CTNNA1: variants seen among roughly 807,000 people sequenced by gnomAD.
The protein encoded by CTNNA1 is catenin alpha-1.
Under a neutral mutation model 98.4 loss-of-function variants are expected in CTNNA1, and 37 were observed. The ratio of observed to expected loss-of-function variants is 0.38; its 90% CI spans 0.29 to 0.49. The LOEUF is 0.49. Among genes scored for constraint, CTNNA1 ranks in the 20% least tolerant of loss-of-function variants. The probability of loss-of-function intolerance (pLI) is 0.95; values close to 1 mark genes in which losing one functional copy is unlikely to be tolerated. For synonymous variants in CTNNA1, 404 were observed against 413.2 expected (o/e 0.98, Z 0.27); for missense variants, 761 against 1,147.2 (o/e 0.66, Z 4.86).
intron 11 of CTNNA1, among the ~76,000 whole-genome samples, chr5:138,922,460 T>G (rs1019624017): frequency 3.3e-5 from 5 of 152,202 alleles, no homozygotes; most frequent in African/African-American, 1.2e-4. Context: ...ATATAATTCC[T>G]TTTATATTCA....
intron 7 of CTNNA1, among the ~76,000 whole-genome samples, chr5:138,861,135 C>T (rs892919284): frequency 1.3e-5 from 2 of 152,050 alleles, no homozygotes; most frequent in African/African-American, 2.4e-5. Flanking sequence ...ATTCTTCTGC[C>T]TCAGCCTCCT....
intron 16 of CTNNA1, among the ~76,000 whole-genome samples, chr5:138,931,369 GTACAA>G (rs1334020852): frequency 2.0e-5 from 3 of 152,166 alleles, no homozygotes; most frequent in Non-Finnish European, 2.9e-5. Context: ...CCTGGAAATT[GTACAA>G]TACATTTCAT....
Position 138,874,338 on chromosome 5 carries a change from C to G in CTNNA1, c.1063-11874C>G. The G allele has an allele frequency of 6.2e-7, 1 of 1,613,998 alleles. No individual in the cohort carries two copies. The highest frequency in any genetic ancestry group is 8.5e-7 in the Non-Finnish European group (1 of 1,179,894). ...CTGGCAAATTGATCTCTTTCGAGCTCTGTGATGTGATTGTGCCTCAGGGAC... is the reference window on the plus strand; with the variant it reads ...CTGGCAAATTGATCTCTTTCGAGCTGTGTGATGTGATTGTGCCTCAGGGAC... On this transcript the variant is annotated intron_variant, in intron 7 of 17. Transcript: ENST00000302763. This position sits in a 1 kb window ranked among gnomAD's most constrained non-coding sequence, Gnocchi z 4.1.
At chr5:138,797,159 A>G (rs981551590) in intron 3 of CTNNA1, among the ~76,000 whole-genome samples, 3 of 152,230 alleles carry the variant, frequency 2.0e-5, no homozygotes, top group Non-Finnish European at 2.9e-5. Flanking sequence ...TTCAGAAAAA[A>G]GAAAATTTGA....
chr5:138,811,062 C>T (rs1269038679), intron 4 of CTNNA1, among the ~76,000 whole-genome samples: 25 of 151,912 alleles, frequency 1.6e-4, no homozygotes, highest in Non-Finnish European at 2.8e-4. Context: ...CGGGCGGAGA[C>T]GCTCCTCACT....
At chr5:138,930,391 C>T (rs1765054239) in intron 14 of CTNNA1, 82 bp from the exon 15 acceptor site, 1 of 991,844 alleles carries the variant, frequency 1.0e-6, no homozygotes, top group Non-Finnish European at 1.5e-6. Context: ...CACAGATTGC[C>T]TGTTGGAAAT....
At chr5:138,815,032 A>G (rs963361427) in intron 5 of CTNNA1, among the ~76,000 whole-genome samples, 8 of 152,200 alleles carry the variant, frequency 5.3e-5, no homozygotes, top group Non-Finnish European at 1.0e-4. Flanking sequence ...GATTACAGGC[A>G]TGAGCCACCA....
intron 7 of CTNNA1, among the ~76,000 whole-genome samples, chr5:138,879,786 T>C (rs1435386148): frequency 6.6e-6 from 1 of 152,218 alleles, no homozygotes; most frequent in African/African-American, 2.4e-5. Flanking sequence ...CCTTTTGTTA[T>C]CTTGTTAGTA....
chr5:138,930,975 C>T (rs375391145), intron 16 of CTNNA1, 40 bp downstream of exon 16: 11 of 1,383,454 alleles, frequency 8.0e-6, no homozygotes, highest in Non-Finnish European at 1.1e-5. Context: ...CAAGCTCCTC[C>T]TGGGGCTCAG....
intron 9 of CTNNA1, among the ~76,000 whole-genome samples, chr5:138,890,689 G>A (rs937587696): frequency 6.6e-5 from 10 of 152,100 alleles, no homozygotes; most frequent in African/African-American, 2.4e-4. Context: ...TTTCATTATG[G>A]AGGCATGATG....
intron 13 of CTNNA1, among the ~76,000 whole-genome samples, chr5:138,928,540 T>G (rs1357650454): frequency 6.6e-6 from 1 of 152,248 alleles, no homozygotes; most frequent in African/African-American, 2.4e-5. Flanking sequence ...CTTAATACTA[T>G]ACAAAACACC....
chr5:138,916,227 T>C (rs1238688921), intron 10 of CTNNA1, among the ~76,000 whole-genome samples: 2 of 145,882 alleles, frequency 1.4e-5, no homozygotes, highest in African/African-American at 5.3e-5. Context: ...AAATGGCTGC[T>C]AATGGATATG....
chr5:138,774,304 T>G (rs1753852740), intron 1 of CTNNA1, among the ~76,000 whole-genome samples: 1 of 151,150 alleles, frequency 6.6e-6, no homozygotes, highest in Non-Finnish European at 1.5e-5. Flanking sequence ...GGATTACAGG[T>G]GGGAGCCACC....
chr5:138,930,789 G>A (rs750295113), intron 15 of CTNNA1, 41 bp from the exon 16 acceptor site: 2 of 1,525,178 alleles, frequency 1.3e-6, no homozygotes, highest in African/African-American at 2.7e-5. Flanking sequence ...ACTGTGAGGG[G>A]CTTCACATAC....
At chr5:138,837,724 T>C (rs1761930550) in intron 7 of CTNNA1, among the ~76,000 whole-genome samples, 1 of 151,592 alleles carries the variant, frequency 6.6e-6, no homozygotes, top group African/African-American at 2.4e-5. Context: ...CAGGCTCAGG[T>C]GATTCTGCCA....
At chr5:138,763,865 C>T (rs536529220) in intron 1 of CTNNA1, among the ~76,000 whole-genome samples, 1 of 133,450 alleles carries the variant, frequency 7.5e-6, no homozygotes, top group Non-Finnish European at 1.6e-5. Context: ...TTTAGAAAAG[C>T]TTTGGACTGA....
intron 1 of CTNNA1, among the ~76,000 whole-genome samples, chr5:138,764,907 G>A (rs1752759723): frequency 8.7e-6 from 1 of 114,308 alleles, no homozygotes; most frequent in African/African-American, 3.5e-5. Context: ...TCGCCCTGTC[G>A]CCCATGCTGG....
intron 9 of CTNNA1, among the ~76,000 whole-genome samples, chr5:138,895,440 T>C (rs1756562917): frequency 6.6e-6 from 1 of 151,566 alleles, no homozygotes; most frequent in African/African-American, 2.4e-5. Context: ...GATGTGGAGA[T>C]GGTGGGAAAA....
chr5:138,776,475 A>G (rs574277271), intron 1 of CTNNA1, among the ~76,000 whole-genome samples: 1 of 152,202 alleles, frequency 6.6e-6, no homozygotes, highest in Non-Finnish European at 1.5e-5. Context: ...CATCCGATTT[A>G]TCAATCCTTT....
Sources: gnomAD v4.1 joint callset for allele counts (sites outside exome capture counted in the v4.1 genomes callset) on GRCh38, gnomAD v4.1.1 for gene constraint, Gnocchi (gnomAD v3.1) non-coding constraint, MANE v1.5 for transcripts, NCBI Gene and HGNC (gene_info 2026-07-23, HGNC 2026-07-21) for gene names.